GABRA1: variants seen among roughly 807,000 people sequenced by gnomAD.
The protein encoded by GABRA1 is gamma-aminobutyric acid receptor subunit alpha-1.
GABRA1 carries 9 observed loss-of-function variants against 48.9 expected under a neutral mutation model. That is an observed-to-expected ratio of 0.18 (90% CI 0.11 to 0.32). The LOEUF (loss-of-function observed/expected upper bound fraction) is 0.32. GABRA1 is among the 10% of genes least tolerant of loss of function. The pLI is 1.00. For missense variants in GABRA1, 285 were observed against 553.8 expected, an observed-to-expected ratio of 0.51 and a Z score of 4.87; for synonymous variants, 210 against 198.7, an observed-to-expected ratio of 1.06 and a Z score of -0.48.
intron 6 of GABRA1, chr5:161,882,353 T>C (rs1754653424): frequency 3.4e-6 from 2 of 586,952 alleles, no homozygotes; most frequent in Non-Finnish European, 6.0e-6. Flanking sequence ...TTATAACCAT[T>C]TGTTGGAAGA....
chr5:161,873,214 C>T lies in GABRA1; in HGVS notation c.353C>T (p.Ala118Val). 6.2e-7 allele frequency: 1 copy of T among 1,613,702 alleles called. No homozygotes were observed. The highest frequency in any genetic ancestry group is 8.5e-7 in the Non-Finnish European group (1 of 1,179,678). Reference sequence around the variant, plus strand: ...GTCCTCCGGTTAAATAACCTAATGGCAAGTAAAATCTGGACTCCGGACACA... The same window carrying T: ...GTCCTCCGGTTAAATAACCTAATGGTAAGTAAAATCTGGACTCCGGACACA... ...MTVLRLNNLM[A>V]SKIWTPDTFF... is the part of the protein sequence containing the mutation. The change falls in exon 5 of 10, where the codon GCA becomes GTA. Residue 118 changes from alanine to valine, a missense_variant. Physicochemically the swap from Ala to Val is moderately conservative, Grantham distance 64. Transcript: ENST00000393943.
At chr5:161,888,734 T>C (rs958359226) in intron 7 of GABRA1, among the ~76,000 whole-genome samples, 10 of 152,056 alleles carry the variant, frequency 6.6e-5, no homozygotes, top group Non-Finnish European at 1.3e-4. Flanking sequence ...AAATTGTTTT[T>C]CTACATTTTT....
At chr5:161,893,493 A>G (rs911765507) in intron 8 of GABRA1, among the ~76,000 whole-genome samples, 1 of 152,056 alleles carries the variant, frequency 6.6e-6, no homozygotes, top group Admixed American at 6.5e-5. Context: ...GATCATGTAG[A>G]TTCAAAAAGA....
intron 3 of GABRA1, 117 bp from the exon 4 acceptor site, chr5:161,865,604 T>G (rs1753798913): frequency 2.3e-6 from 2 of 853,468 alleles, no homozygotes; most frequent in Non-Finnish European, 2.0e-6. Flanking sequence ...AGTGGACCAA[T>G]TTTAGAAATA....
chr5:161,893,424 T>A (rs535551268), intron 8 of GABRA1, among the ~76,000 whole-genome samples: 1 of 152,360 alleles, frequency 6.6e-6, no homozygotes, highest in Admixed American at 6.5e-5. Context: ...CATGTTTCTA[T>A]GCTTTTTAGT....
chr5:161,888,400 C>A (rs890263464), intron 7 of GABRA1, among the ~76,000 whole-genome samples: 8 of 152,172 alleles, frequency 5.3e-5, no homozygotes, highest in Middle Eastern at 3.4e-3. Context: ...ATTGGAATTT[C>A]TTCTGTTAGG....
At chr5:161,869,832 G>T (rs1373906426) in intron 4 of GABRA1, among the ~76,000 whole-genome samples, 1 of 152,112 alleles carries the variant, frequency 6.6e-6, no homozygotes, top group Non-Finnish European at 1.5e-5. Flanking sequence ...GTTTACCTTT[G>T]TCCAACCTCT....
chr5:161,852,521 C>A (rs1489490089), intron 2 of GABRA1, among the ~76,000 whole-genome samples: 1 of 151,884 alleles, frequency 6.6e-6, no homozygotes, highest in Non-Finnish European at 1.5e-5. Context: ...GCAGGAATGG[C>A]AGTTGATTTT....
intron 4 of GABRA1, among the ~76,000 whole-genome samples, chr5:161,866,993 T>C (rs1753892619): frequency 6.6e-6 from 1 of 152,102 alleles, no homozygotes; most frequent in Non-Finnish European, 1.5e-5. Flanking sequence ...ACTTAATATC[T>C]CTCCAGATCA....
chr5:161,886,441 A>G (rs528312324), intron 7 of GABRA1, among the ~76,000 whole-genome samples: 1 of 151,904 alleles, frequency 6.6e-6, no homozygotes, highest in East Asian at 1.9e-4. Context: ...TCTGGTTTGT[A>G]AAATGTATGC....
chr5:161,888,194 G>A (rs1279959518), intron 7 of GABRA1, among the ~76,000 whole-genome samples: 1 of 152,092 alleles, frequency 6.6e-6, no homozygotes. Context: ...GACATGCTTT[G>A]TGCATAAGCA....
intron 3 of GABRA1, among the ~76,000 whole-genome samples, chr5:161,855,721 G>A (rs1236916572): frequency 3.3e-5 from 5 of 151,354 alleles, no homozygotes; most frequent in South Asian, 2.1e-4. Flanking sequence ...AGAAGAAATA[G>A]CCAGGCTAGT....
intron 3 of GABRA1, among the ~76,000 whole-genome samples, chr5:161,860,526 G>A (rs1468798418): frequency 2.0e-5 from 3 of 151,562 alleles, no homozygotes; most frequent in East Asian, 3.9e-4. Flanking sequence ...GGGTACAAAA[G>A]AAAGTACAAA....
intron 3 of GABRA1, among the ~76,000 whole-genome samples, chr5:161,854,688 T>C (rs1757580421): frequency 6.6e-6 from 1 of 151,672 alleles, no homozygotes; most frequent in African/African-American, 2.4e-5. Context: ...TATTTCATAT[T>C]GATCCACTAT....
chr5:161,898,541 T>C lies in GABRA1; in HGVS notation c.*1119T>C. Reference sequence around the variant, plus strand: ...TGTTGTTAAATGCTATGGAAATACATTTAGAACCTGCATTTAAGAACAGAA... The same window carrying C: ...TGTTGTTAAATGCTATGGAAATACACTTAGAACCTGCATTTAAGAACAGAA... On this transcript the variant is annotated 3_prime_UTR_variant, in exon 10 of 10. Transcript: ENST00000393943. 1 of 152,280 alleles carries C rather than the reference T, an allele frequency of 6.6e-6. No homozygotes were observed. The highest frequency in any genetic ancestry group is 1.9e-4 in the East Asian group (1 of 5,204). The allele number at this position is 152,280 out of a possible 1,614,324, so 9.4% of individuals were successfully genotyped here.
At position 161,885,132 on chromosome 5, in the gene GABRA1, A is replaced by G. The variant is rs139518076; in HGVS notation, c.703+2431A>G. On this transcript the variant is annotated intron_variant, in intron 7 of 9. Transcript: ENST00000393943. ...CACCACATAGTGAATATTAGGGGGTAAGAAGAACAATGAGCAAATTCTCAA... is the reference window on the plus strand; with the variant it reads ...CACCACATAGTGAATATTAGGGGGTGAGAAGAACAATGAGCAAATTCTCAA... Among the ~76,000 whole-genome samples, 981 of 152,302 alleles carry G rather than the reference A, an allele frequency of 6.4e-3. 9 individuals are homozygous for G. Among genetic ancestry groups the G allele is most frequent in the Non-Finnish European group, 0.011 (728 of 68,026 alleles).
chr5:161,872,250 T>C (rs1354589754), intron 4 of GABRA1: 1 of 149,526 alleles, frequency 6.7e-6, no homozygotes, highest in Non-Finnish European at 1.5e-5. Context: ...AAGATGGATA[T>C]TACCCTTTTC....
Position 161,849,545 on chromosome 5 carries a change from A to T in GABRA1, c.-16+1123A>T, listed in dbSNP as rs570674003. Among the ~76,000 whole-genome samples the T allele has an allele frequency of 3.9e-5, 6 of 152,294 alleles. No homozygotes were observed. In the East Asian group the frequency reaches 9.7e-4, roughly 25 times the overall value. ...AACATATTATGTTTCATTGCTTACAAGCCTGTTTGTAATGGTTTTTAGTGA... is the reference window on the plus strand; with the variant it reads ...AACATATTATGTTTCATTGCTTACATGCCTGTTTGTAATGGTTTTTAGTGA... On this transcript the variant is annotated intron_variant, in intron 1 of 9. Transcript: ENST00000393943.
At chr5:161,852,227 A>G (rs1418763926) in intron 2 of GABRA1, among the ~76,000 whole-genome samples, 3 of 152,100 alleles carry the variant, frequency 2.0e-5, no homozygotes, top group African/African-American at 7.2e-5. Context: ...ACAATTGGTG[A>G]AAACATTTGT....
Sources: gnomAD v4.1 joint callset for allele counts (sites outside exome capture counted in the v4.1 genomes callset) on GRCh38, gnomAD v4.1.1 for gene constraint, MANE v1.5 for transcripts, NCBI Gene and HGNC (gene_info 2026-07-23, HGNC 2026-07-21) for gene names.